The following SLIT1 variants were observed in gnomAD, a reference collection of about 807,000 sequenced individuals.
SLIT1 encodes slit homolog 1 protein.
SLIT1 carries 66 observed loss-of-function variants against 186.1 expected under a neutral mutation model. The ratio of observed to expected loss-of-function variants is 0.35; its 90% CI spans 0.29 to 0.44. The LOEUF is 0.44. Among genes scored for constraint, SLIT1 ranks in the 20% least tolerant of loss-of-function variants. SLIT1 has a pLI of 1.00. For missense variants in SLIT1, 1,638 were observed against 2,037.4 expected (o/e 0.80, Z 3.77); for synonymous variants, 761 against 833.8 (o/e 0.91, Z 1.50).
At chr10:97,059,058 G>A (rs1275337209) in intron 11 of SLIT1, among the ~76,000 whole-genome samples, 1 of 152,126 alleles carries the variant, frequency 6.6e-6, no homozygotes, top group African/African-American at 2.4e-5. Flanking sequence ...GTCACAACTG[G>A]AGCTGGTGCT....
At chr10:97,106,870 T>C (rs1849420238) in intron 4 of SLIT1, among the ~76,000 whole-genome samples, 2 of 152,200 alleles carry the variant, frequency 1.3e-5, no homozygotes, top group Non-Finnish European at 1.5e-5. Context: ...CTGACAGGCA[T>C]AATGCTCTTT....
Position 97,068,232 on chromosome 10 carries a change from G to T in SLIT1, c.414-2146C>A, listed in dbSNP as rs1249728729. Among the ~76,000 whole-genome samples, 2 of 152,130 alleles carry T rather than the reference G, an allele frequency of 1.3e-5. No individual in the cohort carries two copies. The highest frequency in any genetic ancestry group is 1.5e-5 in the Non-Finnish European group (1 of 68,024). ...GCTACCTCCCCTTCTCTGGGCTGGG[G>T]ACTTGCAGCTGGAGGGAGGAGCCTG... On this transcript the variant is annotated intron_variant, in intron 4 of 36. Transcript: ENST00000266058. This position sits in a 1 kb window ranked among gnomAD's most constrained non-coding sequence, Gnocchi z 4.2.
At chr10:97,109,403 T>C (rs117863507) in intron 4 of SLIT1, among the ~76,000 whole-genome samples, 8 of 151,864 alleles carry the variant, frequency 5.3e-5, no homozygotes, top group Admixed American at 5.2e-4. Flanking sequence ...TCTCCAGAGG[T>C]GCTTAAAGGA....
intron 36 of SLIT1, among the ~76,000 whole-genome samples, chr10:97,001,607 C>T (rs1848310659): frequency 6.6e-6 from 1 of 152,148 alleles, no homozygotes; most frequent in South Asian, 2.1e-4. Context: ...GGGGGGTCCC[C>T]ATTGCTAGAG....
chr10:97,003,948 G>A (rs1197339024), intron 34 of SLIT1, 120 bp downstream of exon 34: 36 of 942,228 alleles, frequency 3.8e-5, no homozygotes, highest in Admixed American at 9.1e-5. Flanking sequence ...CTGCAGCTTG[G>A]CCACCACCAG....
intron 26 of SLIT1, among the ~76,000 whole-genome samples, chr10:97,019,936 T>C (rs1848488206): frequency 6.6e-6 from 1 of 151,984 alleles, no homozygotes; most frequent in Non-Finnish European, 1.5e-5. Context: ...ACTTCTGGGG[T>C]AGAGATGGGG....
chr10:97,175,954 A>C (rs905452745), intron 1 of SLIT1, among the ~76,000 whole-genome samples: 3 of 152,140 alleles, frequency 2.0e-5, no homozygotes, highest in African/African-American at 7.2e-5. Context: ...ATCATGGCCA[A>C]TTTGCCTTTA....
At chr10:97,108,966 C>T (rs116371912) in intron 4 of SLIT1, among the ~76,000 whole-genome samples, 3,007 of 145,334 alleles carry the variant, frequency 0.021, 121 homozygotes, top group African/African-American at 0.072. Context: ...GGCCCAGGGT[C>T]GGAGTGCAGC....
chr10:97,169,644 G>A (rs1374696371), intron 1 of SLIT1, among the ~76,000 whole-genome samples: 1 of 152,164 alleles, frequency 6.6e-6, no homozygotes, highest in Non-Finnish European at 1.5e-5. Flanking sequence ...TCCCAGCCTC[G>A]AGTGTCAGGA....
In SLIT1 at chr10:97,121,597, G is replaced by A. The variant is rs548463739; in HGVS notation, c.413+36221C>T. On this transcript the variant is annotated intron_variant, in intron 4 of 36. Transcript: ENST00000266058. ...AAAATAATGCATCATGTCAAGTAGC[G>A]GAGCCAAGATCCGAACCCAAGTCCT... Among the ~76,000 whole-genome samples, 598 of 152,308 alleles carry A rather than the reference G, an allele frequency of 3.9e-3. 2 individuals are homozygous for A. The highest frequency in any genetic ancestry group is 0.011 in the African/African-American group (457 of 41,572).
intron 32 of SLIT1, among the ~76,000 whole-genome samples, chr10:97,005,572 C>T (rs866372015): frequency 4.6e-5 from 7 of 152,278 alleles, no homozygotes; most frequent in Middle Eastern, 6.8e-3. Context: ...TTGAGCTGAC[C>T]GAATTAGAGC....
At chr10:97,141,075 A>C (rs1849752554) in intron 4 of SLIT1, among the ~76,000 whole-genome samples, 1 of 152,046 alleles carries the variant, frequency 6.6e-6, no homozygotes, top group Admixed American at 6.6e-5. Context: ...CCCTTGTCGG[A>C]GGCTCTGCAT....
intron 4 of SLIT1, among the ~76,000 whole-genome samples, chr10:97,144,595 G>T (rs1319215272): frequency 6.6e-6 from 1 of 152,200 alleles, no homozygotes; most frequent in African/African-American, 2.4e-5. Flanking sequence ...CCACAGAGAA[G>T]ACAGGCAGTG....
At chr10:97,182,246 C>CG (rs1224835323) in intron 1 of SLIT1, among the ~76,000 whole-genome samples, 1 of 152,172 alleles carries the variant, frequency 6.6e-6, no homozygotes, top group Non-Finnish European at 1.5e-5. Context: ...CTTTCCATTT[C>CG]GGGGGACAGG....
At chr10:97,143,930 G>A (rs970653706) in intron 4 of SLIT1, among the ~76,000 whole-genome samples, 4 of 152,230 alleles carry the variant, frequency 2.6e-5, no homozygotes, top group African/African-American at 9.6e-5. Flanking sequence ...GAGCGCAGTG[G>A]CTCACACCTG....
At chr10:97,141,735 T>C (rs1028809879) in intron 4 of SLIT1, among the ~76,000 whole-genome samples, 4 of 128,518 alleles carry the variant, frequency 3.1e-5, no homozygotes, top group South Asian at 2.5e-4. Context: ...TTGTACTGTA[T>C]TGTATCGTAT....
At chr10:97,031,456 A>G in intron 24 of SLIT1, 150 bp downstream of exon 24, 1 of 592,784 alleles carries the variant, frequency 1.7e-6, no homozygotes, top group Non-Finnish European at 3.0e-6. Flanking sequence ...TGGGAATGAG[A>G]GTATCCACAG....
chr10:97,120,871 G>A (rs1040425293), intron 4 of SLIT1, among the ~76,000 whole-genome samples: 1 of 152,174 alleles, frequency 6.6e-6, no homozygotes, highest in African/African-American at 2.4e-5. Context: ...TGAAATGAGA[G>A]CCGATCCAAA....
chr10:97,093,887 G>C (rs1398738194), intron 4 of SLIT1, among the ~76,000 whole-genome samples: 2 of 152,234 alleles, frequency 1.3e-5, no homozygotes, highest in African/African-American at 4.8e-5. Context: ...GCAAAGTCCT[G>C]AGATGAAGAG....
Sources: gnomAD v4.1 joint callset for allele counts (sites outside exome capture counted in the v4.1 genomes callset) on GRCh38, gnomAD v4.1.1 for gene constraint, Gnocchi (gnomAD v3.1) non-coding constraint, MANE v1.5 for transcripts, NCBI Gene and HGNC (gene_info 2026-07-23, HGNC 2026-07-21) for gene names.